Variants in DHX34 observed in about 807,000 individuals in gnomAD.
The protein encoded by DHX34 is DExH-box helicase 34.
Under a neutral mutation model 111.1 loss-of-function variants are expected in DHX34, and 96 were observed. The ratio of observed to expected loss-of-function variants is 0.86; its 90% CI spans 0.73 to 1.02. DHX34 has a LOEUF of 1.02. DHX34 is among the 50% of genes least tolerant of loss of function. DHX34 has a pLI of 0.00. For missense variants in DHX34, 1,560 were observed against 1,579.9 expected, an observed-to-expected ratio of 0.99 and a Z score of 0.21; for synonymous variants, 688 against 670.4, an observed-to-expected ratio of 1.03 and a Z score of -0.41.
Position 47,355,020 on chromosome 19 carries a change from T to C in DHX34, c.706-19T>C, listed in dbSNP as rs1481178545. ...CAGGCTCAGGGTCCTCTCCTGATCC[T>C]TTCTTTCTCCCACCCCAGGTCGGCT... On this transcript the variant is annotated intron_variant, in intron 2 of 16. Transcript: ENST00000328771. 2 of 1,611,336 alleles carry C rather than the reference T, an allele frequency of 1.2e-6. No homozygotes were observed. Among genetic ancestry groups the C allele is most frequent in the Non-Finnish European group, 1.7e-6 (2 of 1,178,078 alleles).
intron 13 of DHX34, among the ~76,000 whole-genome samples, chr19:47,378,601 G>A (rs1182251975): frequency 6.6e-6 from 1 of 152,096 alleles, no homozygotes; most frequent in Non-Finnish European, 1.5e-5. Context: ...AGGCTGAGGT[G>A]GGAGGATTGT....
At chr19:47,362,266 T>G (rs1239685497) in intron 5 of DHX34, 1 of 343,528 alleles carries the variant, frequency 2.9e-6, no homozygotes, top group South Asian at 1.7e-4. Context: ...AGACCCTGTC[T>G]CAAAAAAAAA....
At chr19:47,381,494 A>G in intron 16 of DHX34, 170 bp downstream of exon 16, 1 of 978,280 alleles carries the variant, frequency 1.0e-6, no homozygotes, top group South Asian at 1.8e-5. Flanking sequence ...CAGGAGCCCA[A>G]GGCAGGGAGA....
At chr19:47,351,869 T>C (rs767699560) in intron 1 of DHX34, among the ~76,000 whole-genome samples, 4 of 152,136 alleles carry the variant, frequency 2.6e-5, no homozygotes, top group African/African-American at 7.2e-5. Flanking sequence ...CCATGTAGAA[T>C]CGAGGAAGGG....
intron 4 of DHX34, among the ~76,000 whole-genome samples, chr19:47,359,557 G>A (rs1454251177): frequency 6.6e-6 from 1 of 152,060 alleles, no homozygotes; most frequent in South Asian, 2.1e-4. Flanking sequence ...CAAGGCAGGC[G>A]GATCACCTGA....
Position 47,353,217 on chromosome 19 carries a change from T to G in DHX34, c.187T>G (p.Phe63Val). Reference protein sequence around the residue: ...GSEECQKFWTFFERLQRFQNL... With the variant: ...GSEECQKFWTVFERLQRFQNL... ...TGAGGAATGTCAGAAGTTTTGGACC[T>G]TCTTTGAACGCCTGCAGAGATTCCA... Residue 63 changes from phenylalanine to valine, a missense_variant, in exon 2 of 17, where the codon TTC becomes GTC. Coordinates refer to ENST00000328771, the MANE Select transcript of DHX34 (RefSeq NM_014681.6). This position sits in a 1 kb window ranked among gnomAD's most constrained non-coding sequence, Gnocchi z 4.6. 1 of 1,614,176 alleles carries G rather than the reference T, an allele frequency of 6.2e-7. No individual in the cohort carries two copies. The highest frequency in any genetic ancestry group is 1.3e-5 in the African/African-American group (1 of 75,054).
intron 7 of DHX34, among the ~76,000 whole-genome samples, chr19:47,367,995 TAATC>T (rs1969845223): frequency 1.3e-5 from 2 of 151,734 alleles, no homozygotes; most frequent in African/African-American, 4.8e-5. Flanking sequence ...AATTTTAACA[TAATC>T]AATAGAAACA....
intron 7 of DHX34, among the ~76,000 whole-genome samples, chr19:47,368,612 ATGTGTG>A (rs374912105): frequency 1.4e-5 from 2 of 141,590 alleles, no homozygotes; most frequent in Non-Finnish European, 3.0e-5. Context: ...GGTCCATTGA[ATGTGTG>A]TGTGTGTGTG....
rs1465490824 is a variant in DHX34, at chr19:47,355,175, T to C, written c.842T>C (p.Val281Ala). The C allele has an allele frequency of 6.2e-7, 1 of 1,614,120 alleles. No individual in the cohort carries two copies. The highest frequency in any genetic ancestry group is 8.5e-7 in the Non-Finnish European group (1 of 1,180,030). ...TATGAGGTCCTGATTGTGGATGAAG[T>C]CCATGAGCGGCATCTCCACAACGAT... Reference protein sequence around the residue: ...PQYEVLIVDEVHERHLHNDFL... With the variant: ...PQYEVLIVDEAHERHLHNDFL... The change falls in exon 3 of 17, where the codon GTC becomes GCC. Residue 281 changes from valine to alanine, a missense_variant. Val to Ala is a moderately conservative substitution (Grantham distance 64, BLOSUM62 0). Transcript: ENST00000328771.
chr19:47,353,034 C>A lies in DHX34; in HGVS notation c.4C>A (p.Pro2Thr). 6.2e-7 allele frequency: 1 copy of A among 1,608,682 alleles called. No homozygotes were observed. The highest frequency in any genetic ancestry group is 2.2e-5 in the East Asian group (1 of 44,722). Residue 2 changes from proline to threonine, a missense_variant, in exon 2 of 17, where the codon CCT becomes ACT. Physicochemically the swap from Pro to Thr is conservative, Grantham distance 38. Coordinates refer to ENST00000328771, the MANE Select transcript of DHX34 (RefSeq NM_014681.6). This position sits in a 1 kb window ranked among gnomAD's most constrained non-coding sequence, Gnocchi z 4.6. M[P>T]PPRTREGRDR... ...ACTCCTATTGTGGATTAGTAACATG[C>A]CTCCTCCTAGAACAAGGGAGGGCAG... is the stretch of plus-strand genomic sequence containing the variant.
At chr19:47,352,481 A>G (rs1382289816) in intron 1 of DHX34, among the ~76,000 whole-genome samples, 2 of 152,014 alleles carry the variant, frequency 1.3e-5, no homozygotes, top group African/African-American at 4.8e-5. Context: ...TTTGATATCA[A>G]CCTGGGCAAC....
At chr19:47,373,038 G>A (rs1322406620) in intron 8 of DHX34, 115 bp downstream of exon 8, 12 of 1,335,292 alleles carry the variant, frequency 9.0e-6, no homozygotes, top group African/African-American at 1.5e-5. Context: ...GGACCACTGA[G>A]CCCCCCACAG....
rs557813357 is a variant in DHX34 at position 47,361,236 on chromosome 19, T to A, written c.1375+1166T>A. On this transcript the variant is annotated intron_variant, in intron 5 of 16. Transcript: ENST00000328771. ...ACTTTGGGAGGCCAAGGCAGGCAGGTCACTTGAAGTTAGGAGTTTGAGACC... is the reference window on the plus strand; with the variant it reads ...ACTTTGGGAGGCCAAGGCAGGCAGGACACTTGAAGTTAGGAGTTTGAGACC... 1.3e-4 allele frequency among the ~76,000 whole-genome samples: 20 copies of A among 151,908 alleles called. 2 individuals carry two copies. In the South Asian group the frequency reaches 4.2e-3, roughly 32 times the overall value.
chr19:47,366,060 T>C (rs1286497591), intron 6 of DHX34, among the ~76,000 whole-genome samples: 1 of 152,144 alleles, frequency 6.6e-6, no homozygotes, highest in African/African-American at 2.4e-5. Flanking sequence ...CAGTTCTGGG[T>C]TAATAAGATA....
chr19:47,358,354 T>C (rs989286977), intron 4 of DHX34, among the ~76,000 whole-genome samples: 10 of 152,090 alleles, frequency 6.6e-5, no homozygotes, highest in Non-Finnish European at 2.9e-5. Flanking sequence ...ATGATGTCAG[T>C]CCTATCGACC....
At chr19:47,366,061 T>A (rs539816568) in intron 6 of DHX34, among the ~76,000 whole-genome samples, 41 of 152,160 alleles carry the variant, frequency 2.7e-4, no homozygotes, top group Admixed American at 5.2e-4. Context: ...AGTTCTGGGT[T>A]AATAAGATAG....
chr19:47,375,024 C>G (rs541826298), intron 9 of DHX34, among the ~76,000 whole-genome samples: 1 of 152,250 alleles, frequency 6.6e-6, no homozygotes, highest in East Asian at 1.9e-4. Context: ...AGATGGCCAA[C>G]CCCGCCGAGC....
chr19:47,374,914 A>G (rs1970085933), intron 9 of DHX34, among the ~76,000 whole-genome samples: 1 of 152,304 alleles, frequency 6.6e-6, no homozygotes, highest in East Asian at 1.9e-4. Context: ...AGGTCCAACC[A>G]AATTGGGTCA....
At chr19:47,364,056 G>A (rs1354152884) in intron 6 of DHX34, among the ~76,000 whole-genome samples, 1 of 152,184 alleles carries the variant, frequency 6.6e-6, no homozygotes, top group African/African-American at 2.4e-5. Context: ...AGGTTGGCAG[G>A]CAATTTTCTT....
Sources: allele counts gnomAD v4.1 joint callset (sites outside exome capture counted in the v4.1 genomes callset), GRCh38; gene constraint gnomAD v4.1.1; non-coding constraint Gnocchi (gnomAD v3.1); transcripts MANE v1.5; gene names NCBI Gene and HGNC (gene_info 2026-07-23, HGNC 2026-07-21).